Variants in RNF213 observed in about 807,000 individuals in gnomAD.
The protein encoded by RNF213 is ring finger protein 213.
Under a neutral mutation model 514.4 loss-of-function variants are expected in RNF213, and 341 were observed. The observed-to-expected ratio is 0.66, with a 90% CI of 0.61 to 0.73. The LOEUF (loss-of-function observed/expected upper bound fraction) is 0.73. RNF213 is among the 30% of genes least tolerant of loss of function. The pLI is 0.00. For missense variants in RNF213, 5,767 were observed against 6,615.6 expected (o/e 0.87, Z 4.45); for synonymous variants, 2,655 against 2,658.2 (o/e 1.00, Z 0.04).
In RNF213 at chr17:80,386,301, CTG is replaced by C; in HGVS notation, c.14592_14593del (p.Glu4865ValfsTer2). 1 of 1,613,532 alleles carries C rather than the reference CTG, an allele frequency of 6.2e-7. No individual in the cohort carries two copies. Among genetic ancestry groups the C allele is most frequent in the Non-Finnish European group, 8.5e-7 (1 of 1,180,026 alleles). On this transcript the variant is annotated frameshift_variant, in exon 62 of 68. Transcript: ENST00000582970. LOFTEE classifies it high-confidence loss of function. ...TGCAGCACTGACTTGGATCTGGACA[CTG>C]AGTTTGAGATCCTCTTGCCACGCCG... is the stretch of plus-strand genomic sequence containing the variant.
Position 80,354,737 on chromosome 17 carries a change from A to G in RNF213, c.10862+161A>G, listed in dbSNP as rs1435687022. Reference sequence around the variant, plus strand: ...TAAAGTTTTTCCCCAAGAAGCACACAGTAGGTCTGGACAGTGGCCAAATGG... The same window carrying G: ...TAAAGTTTTTCCCCAAGAAGCACACGGTAGGTCTGGACAGTGGCCAAATGG... On this transcript the variant is annotated intron_variant, in intron 36 of 67. Transcript: ENST00000582970. 6 of 882,146 alleles carry G rather than the reference A, an allele frequency of 6.8e-6. No individual in the cohort carries two copies. In the East Asian group the frequency reaches 1.1e-4, roughly 16 times the overall value. The allele number at this position is 882,146 out of a possible 1,614,324, so 54.6% of individuals were successfully genotyped here.
Position 80,337,579 on chromosome 17 carries a change from C to G in RNF213, c.4528-7C>G. 2 of 1,537,186 alleles carry G rather than the reference C, an allele frequency of 1.3e-6. No homozygotes were observed. The highest frequency in any genetic ancestry group is 1.7e-6 in the Non-Finnish European group (2 of 1,146,884). On this transcript the variant is annotated splice_region_variant and splice_polypyrimidine_tract_variant and intron_variant, in intron 23 of 67. Coordinates refer to ENST00000582970, the MANE Select transcript of RNF213 (RefSeq NM_001256071.3). ...GTGGCCCGTGTTCTCTCCTTTTGTC[C>G]CCATAGTGTGACTCCGCCAGGAACT...
intron 3 of RNF213, among the ~76,000 whole-genome samples, chr17:80,275,034 G>A (rs1226717885): frequency 7.4e-6 from 1 of 134,762 alleles, no homozygotes; most frequent in African/African-American, 2.8e-5. Flanking sequence ...TGGGGTGTGT[G>A]TGTGTTGGGG....
chr17:80,360,485 G>A (rs758003191), intron 38 of RNF213: 1 of 459,784 alleles, frequency 2.2e-6, no homozygotes, highest in Non-Finnish European at 4.0e-6. Context: ...CAGGGATATG[G>A]CGAAATGGGG....
rs1239002852 is a variant in RNF213, at chr17:80,273,280, A to T, written c.137A>T (p.Glu46Val). 6.2e-7 allele frequency: 1 copy of T among 1,613,538 alleles called. No homozygotes were observed. Among genetic ancestry groups the T allele is most frequent in the Admixed American group, 1.7e-5 (1 of 59,996 alleles). ...AACTCCACAATGGCGTCGGCCTCGG[A>T]GGGTGAAATGGAGTGTGGGCAGGAG... is the stretch of plus-strand genomic sequence containing the variant. Reference protein sequence around the residue: ...NNNSTMASASEGEMECGQELK... With the variant: ...NNNSTMASASVGEMECGQELK... Residue 46 changes from glutamate (E) to valine (V), a missense_variant, in exon 3 of 68, where the codon GAG (glutamate) becomes GTG (valine). Glu to Val is a moderately radical substitution (Grantham distance 121). Transcript: ENST00000582970.
At chr17:80,261,554 C>G (rs543121184) in intron 1 of RNF213, among the ~76,000 whole-genome samples, 7 of 152,332 alleles carry the variant, frequency 4.6e-5, no homozygotes, top group African/African-American at 1.2e-4. Context: ...TCCCTGCCCC[C>G]ACCTTGTTGA....
chr17:80,386,130 C>A, intron 61 of RNF213, 120 bp from the exon 62 acceptor site: 1 of 959,922 alleles, frequency 1.0e-6, no homozygotes, highest in Non-Finnish European at 1.6e-6. Flanking sequence ...TGGGGCAGAA[C>A]CGAGACCCGG....
chr17:80,281,112 T>TCACAC (rs1167830707), intron 3 of RNF213, among the ~76,000 whole-genome samples: 1 of 43,520 alleles, frequency 2.3e-5, no homozygotes, highest in Non-Finnish European at 4.2e-5. Flanking sequence ...CATACCCCAC[T>TCACAC]CACACCACTC....
At chr17:80,268,173 A>G (rs2043672362) in intron 2 of RNF213, among the ~76,000 whole-genome samples, 1 of 151,610 alleles carries the variant, frequency 6.6e-6, no homozygotes, top group Admixed American at 6.6e-5. Flanking sequence ...TATGTACCAC[A>G]TTTTCTTCAA....
At chr17:80,376,818 G>A in intron 52 of RNF213, 64 bp from the exon 53 acceptor site, 1 of 1,420,756 alleles carries the variant, frequency 7.0e-7, no homozygotes. Flanking sequence ...GCCTCCTGCT[G>A]AGCAGCAGCA....
chr17:80,382,912 T>A, intron 57 of RNF213, 67 bp from the exon 58 acceptor site: 2 of 929,838 alleles, frequency 2.2e-6, no homozygotes, highest in Non-Finnish European at 3.6e-6. Context: ...TATTTAGGGT[T>A]TATTATACGC....
chr17:80,299,632 G>A (rs1598955475), intron 11 of RNF213, among the ~76,000 whole-genome samples: 2 of 151,960 alleles, frequency 1.3e-5, no homozygotes, highest in Admixed American at 1.3e-4. Context: ...GTGTTATGGA[G>A]TTTTTTTGTA....
At chr17:80,310,140 T>G (rs911239849) in intron 14 of RNF213, among the ~76,000 whole-genome samples, 12 of 152,174 alleles carry the variant, frequency 7.9e-5, no homozygotes, top group African/African-American at 2.4e-4. Flanking sequence ...GAGCTCTGTC[T>G]GTGTGGTGCA....
rs1473027345 is a variant in RNF213, at chr17:80,346,545, C to A, written c.8210C>A (p.Pro2737His). Residue 2737 changes from proline to histidine, a missense_variant, in exon 29 of 68, where the codon CCT (proline) becomes CAT (histidine). By Grantham distance (77) the Pro-to-His change is moderately conservative. Transcript: ENST00000582970. This position sits in a 1 kb window ranked among gnomAD's most constrained non-coding sequence, Gnocchi z 8.1. Reference sequence around the variant, plus strand: ...CAGGATCTTTTTCTGGACGGCGTACCTCTGAGGAAAACCATCGCCAAGAAC... The same window carrying A: ...CAGGATCTTTTTCTGGACGGCGTACATCTGAGGAAAACCATCGCCAAGAAC... The part of the protein sequence containing the change: ...RAQDLFLDGV[P>H]LRKTIAKNLA... The A allele has an allele frequency of 3.1e-6, 5 of 1,613,316 alleles. No individual in the cohort carries two copies. The highest frequency in any genetic ancestry group is 8.5e-7 in the Non-Finnish European group (1 of 1,180,054).
chr17:80,381,210 C>T, intron 56 of RNF213: 2 of 620,900 alleles, frequency 3.2e-6, no homozygotes, highest in South Asian at 3.8e-5. Flanking sequence ...TTCAAATTAA[C>T]ACTCTGTGTC....
In RNF213 at chr17:80,363,296, G is replaced by T; in HGVS notation, c.11550G>T (p.Glu3850Asp). The T allele has an allele frequency of 6.2e-7, 1 of 1,613,930 alleles. No individual in the cohort carries two copies. Among genetic ancestry groups the T allele is most frequent in the South Asian group, 1.1e-5 (1 of 91,086 alleles). The change falls in exon 40 of 68, where the codon GAG becomes GAT. Residue 3850 changes from glutamate (E) to aspartate (D), a missense_variant. Coordinates refer to ENST00000582970, the MANE Select transcript of RNF213 (RefSeq NM_001256071.3). The stretch of plus-strand genomic sequence containing the variant: ...TGATGGAAGCCCGTTGGAACCATGA[G>T]CTGGCTGGATGTGAGATGGTATGGC... ...HSLMEARWNHELAGCEMTLDA... is the reference protein window; with the variant it reads ...HSLMEARWNHDLAGCEMTLDA...
Position 80,386,886 on chromosome 17 carries a change from C to G in RNF213, c.14917C>G (p.Leu4973Val). 6.2e-7 allele frequency: 1 copy of G among 1,611,318 alleles called. No homozygotes were observed. Among genetic ancestry groups the G allele is most frequent in the Non-Finnish European group, 8.5e-7 (1 of 1,179,130 alleles). ...RFLQGKPRLS[L>V]KGIPTLVYRH... is the part of the protein sequence containing the mutation. Reference sequence around the variant, plus strand: ...CCTCCAGGGCAAGCCCCGGCTGAGCCTCAAGGTAGGGCTGACTCCTGCCAC... The same window carrying G: ...CCTCCAGGGCAAGCCCCGGCTGAGCGTCAAGGTAGGGCTGACTCCTGCCAC... The change falls in exon 63 of 68, where the codon CTC becomes GTC. Residue 4973 changes from leucine (L) to valine (V), a missense_variant. Around this residue, in one of 13 missense-constraint regions of RNF213, gnomAD observed 1,245 missense variants for 1,339.0 expected, o/e 0.93. Coordinates refer to ENST00000582970, the MANE Select transcript of RNF213 (RefSeq NM_001256071.3).
chr17:80,361,985 G>A (rs1235430978), intron 39 of RNF213, 97 bp downstream of exon 39: 5 of 1,378,542 alleles, frequency 3.6e-6, no homozygotes, highest in Non-Finnish European at 5.1e-6. Context: ...CCTGGAGCTG[G>A]TGCTGTGAAG....
Position 80,288,191 on chromosome 17 carries a change from G to A in RNF213, c.638G>A (p.Gly213Asp). 6.2e-7 allele frequency: 1 copy of A among 1,612,654 alleles called. No homozygotes were observed. Among genetic ancestry groups the A allele is most frequent in the Non-Finnish European group, 8.5e-7 (1 of 1,179,404 alleles). ...CAGGACGCTTCCATCCCCTCTGGGG[G>A]CAGAGGCCTGTCCCAGGAGGGGACC... ...EDQDASIPSGGRGLSQEGTGP... is the reference protein window; with the variant it reads ...EDQDASIPSGDRGLSQEGTGP... The change falls in exon 4 of 68, where the codon GGC becomes GAC. Residue 213 changes from glycine to aspartate, a missense_variant. Gly to Asp is a moderately conservative substitution (Grantham distance 94, BLOSUM62 -1). Coordinates refer to ENST00000582970, the MANE Select transcript of RNF213 (RefSeq NM_001256071.3). The surrounding 1 kb of genome is among the most constrained non-coding windows in gnomAD (Gnocchi z 4.9).
Sources: allele counts gnomAD v4.1 joint callset (sites outside exome capture counted in the v4.1 genomes callset), GRCh38; gene constraint gnomAD v4.1.1; regional missense constraint gnomAD v4.1.1; non-coding constraint Gnocchi (gnomAD v3.1); transcripts MANE v1.5; gene names NCBI Gene and HGNC (gene_info 2026-07-23, HGNC 2026-07-21).